Variants in HS3ST3A1 observed in about 807,000 individuals in gnomAD.
HS3ST3A1 encodes the protein heparan sulfate glucosamine 3-O-sulfotransferase 3A1.
A neutral mutation model predicts 25.7 loss-of-function variants in HS3ST3A1; 19 were observed. That is an observed-to-expected ratio of 0.74 (90% CI 0.52 to 1.08). The LOEUF (loss-of-function observed/expected upper bound fraction) is 1.08, where lower values mean the gene tolerates loss of function less well. HS3ST3A1 is among the 50% of genes least tolerant of loss of function. The probability of loss-of-function intolerance (pLI) is 0.00; values close to 1 mark genes in which losing one functional copy is unlikely to be tolerated. For synonymous variants in HS3ST3A1, 226 were observed against 278.6 expected (o/e 0.81, Z 1.88); for missense variants, 459 against 594.3 (o/e 0.77, Z 2.37).
intron 1 of HS3ST3A1, among the ~76,000 whole-genome samples, chr17:13,596,600 G>C (rs1220934677): frequency 6.6e-6 from 1 of 151,878 alleles, no homozygotes; most frequent in Non-Finnish European, 1.5e-5. Flanking sequence ...CTATAGACAA[G>C]TACGCTAGAC....
At chr17:13,530,287 G>A (rs1906564854) in intron 1 of HS3ST3A1, among the ~76,000 whole-genome samples, 1 of 152,110 alleles carries the variant, frequency 6.6e-6, no homozygotes. Flanking sequence ...TGTCTACAAA[G>A]GATATCCAGA....
chr17:13,517,390 G>A (rs1906090993), intron 1 of HS3ST3A1, among the ~76,000 whole-genome samples: 1 of 152,168 alleles, frequency 6.6e-6, no homozygotes, highest in Non-Finnish European at 1.5e-5. Context: ...AGGGCAGGTA[G>A]ACATAATAAC....
chr17:13,555,120 C>G (rs949651750), intron 1 of HS3ST3A1, among the ~76,000 whole-genome samples: 3 of 152,148 alleles, frequency 2.0e-5, no homozygotes, highest in African/African-American at 7.2e-5. Flanking sequence ...AGCGGTGACC[C>G]CCATTTCTGC....
At chr17:13,586,010 G>A (rs1041469028) in intron 1 of HS3ST3A1, among the ~76,000 whole-genome samples, 11 of 151,434 alleles carry the variant, frequency 7.3e-5, no homozygotes, top group African/African-American at 1.9e-4. Context: ...TACCAAGCCC[G>A]GCTAATTTTT....
At chr17:13,534,547 CAAAAA>C (rs34383911) in intron 1 of HS3ST3A1, among the ~76,000 whole-genome samples, 840 of 32,778 alleles carry the variant, frequency 0.026, 8 homozygotes, top group African/African-American at 0.071. Flanking sequence ...CTACAAAATC[CAAAAA>C]AAAAAAAAAA....
At chr17:13,505,874 A>C (rs1905648919) in intron 1 of HS3ST3A1, among the ~76,000 whole-genome samples, 2 of 151,834 alleles carry the variant, frequency 1.3e-5, no homozygotes, top group African/African-American at 4.8e-5. Flanking sequence ...AAATACAAAA[A>C]TTAGCCGGGT....
intron 1 of HS3ST3A1, among the ~76,000 whole-genome samples, chr17:13,541,506 T>A (rs1661101302): frequency 6.6e-6 from 1 of 152,168 alleles, no homozygotes; most frequent in Middle Eastern, 3.2e-3. Context: ...AATCACCCTG[T>A]CCACCTTCCC....
intron 1 of HS3ST3A1, among the ~76,000 whole-genome samples, chr17:13,571,238 T>C (rs1355750112): frequency 6.6e-6 from 1 of 152,142 alleles, no homozygotes; most frequent in East Asian, 1.9e-4. Flanking sequence ...GAATTCCAGA[T>C]AAAAATCCCC....
intron 1 of HS3ST3A1, among the ~76,000 whole-genome samples, chr17:13,593,364 C>A (rs372604884): frequency 7.2e-5 from 11 of 152,020 alleles, no homozygotes; most frequent in Non-Finnish European, 1.2e-4. Flanking sequence ...TGACAGGAAG[C>A]TTTGGGGAAC....
intron 1 of HS3ST3A1, among the ~76,000 whole-genome samples, chr17:13,588,130 G>A (rs1462636762): frequency 6.6e-6 from 1 of 152,146 alleles, no homozygotes; most frequent in East Asian, 1.9e-4. Context: ...GGTCAATAAA[G>A]TTTTATTGGA....
chr17:13,530,893 C>T (rs1906585582), intron 1 of HS3ST3A1, among the ~76,000 whole-genome samples: 3 of 152,146 alleles, frequency 2.0e-5, no homozygotes, highest in Non-Finnish European at 4.4e-5. Flanking sequence ...TCCTCTCTTC[C>T]CCTGAGACCT....
intron 1 of HS3ST3A1, among the ~76,000 whole-genome samples, chr17:13,559,303 G>C (rs1055097805): frequency 1.3e-5 from 2 of 152,010 alleles, no homozygotes; most frequent in Non-Finnish European, 2.9e-5. Context: ...ATCTGGAAAA[G>C]GTAATTTCGT....
In HS3ST3A1 at chr17:13,495,014, C is replaced by A. The variant is rs76385275; in HGVS notation, c.*1183G>T. Among the ~76,000 whole-genome samples, 1,675 of 152,218 alleles carry A rather than the reference C, an allele frequency of 0.011. 32 individuals are homozygous for A. Among genetic ancestry groups the A allele is most frequent in the African/African-American group, 0.038 (1,578 of 41,514 alleles). ...ATTTTAAACGAACTGCTAATTAATT[C>A]TTTCAGAGTACTAGCTCCAAAGTTA... On this transcript the variant is annotated 3_prime_UTR_variant, in exon 2 of 2. Coordinates refer to ENST00000284110, the MANE Select transcript of HS3ST3A1 (RefSeq NM_006042.3).
rs139066461 is a variant in HS3ST3A1 at position 13,500,703 on chromosome 17, A to T, written c.600-3885T>A. On this transcript the variant is annotated intron_variant, in intron 1 of 1. Transcript: ENST00000284110. Reference sequence around the variant, plus strand: ...GATGAGGAAATGGGTTGAGACCAACACTATAAGGAAAAAATATAGAAATGT... The same window carrying T: ...GATGAGGAAATGGGTTGAGACCAACTCTATAAGGAAAAAATATAGAAATGT... 3.3e-4 allele frequency among the ~76,000 whole-genome samples: 50 copies of T among 152,314 alleles called. No homozygotes were observed. In the East Asian group the frequency reaches 9.3e-3, roughly 28 times the overall value.
At chr17:13,547,045 G>T (rs1190503585) in intron 1 of HS3ST3A1, among the ~76,000 whole-genome samples, 1 of 152,132 alleles carries the variant, frequency 6.6e-6, no homozygotes, top group African/African-American at 2.4e-5. Flanking sequence ...ATATACATTA[G>T]ATTTAATGAT....
chr17:13,582,978 C>T (rs1353827646), intron 1 of HS3ST3A1, among the ~76,000 whole-genome samples: 4 of 152,142 alleles, frequency 2.6e-5, no homozygotes, highest in Middle Eastern at 3.4e-3. Context: ...CATTCATTCT[C>T]CAGATATGAG....
intron 1 of HS3ST3A1, among the ~76,000 whole-genome samples, chr17:13,524,219 G>A (rs1404552981): frequency 1.3e-5 from 2 of 152,026 alleles, no homozygotes; most frequent in Non-Finnish European, 2.9e-5. Context: ...TATTTTCTGT[G>A]TGGATAAGTA....
intron 1 of HS3ST3A1, among the ~76,000 whole-genome samples, chr17:13,515,335 T>A (rs1316011486): frequency 6.6e-6 from 1 of 152,132 alleles, no homozygotes; most frequent in African/African-American, 2.4e-5. Flanking sequence ...AATTTTTGTA[T>A]TTTTAGTAGA....
intron 1 of HS3ST3A1, among the ~76,000 whole-genome samples, chr17:13,511,096 C>A (rs1736849715): frequency 6.6e-6 from 1 of 152,108 alleles, no homozygotes. Context: ...AGAAGTAAAA[C>A]CATCCATCCA....
Sources: gnomAD v4.1 joint callset for allele counts (sites outside exome capture counted in the v4.1 genomes callset) on GRCh38, gnomAD v4.1.1 for gene constraint, MANE v1.5 for transcripts, NCBI Gene and HGNC (gene_info 2026-07-23, HGNC 2026-07-21) for gene names.